The following PKN2 variants were observed in gnomAD, a reference collection of about 807,000 sequenced individuals.
The protein encoded by PKN2 is serine/threonine-protein kinase N2.
Under a neutral mutation model 119.1 loss-of-function variants are expected in PKN2, and 38 were observed. The ratio of observed to expected loss-of-function variants is 0.32; its 90% CI spans 0.25 to 0.42. The LOEUF is 0.42. Among genes scored for constraint, PKN2 ranks in the 10% least tolerant of loss-of-function variants. PKN2 has a pLI of 1.00. For missense variants in PKN2, 850 were observed against 1,165.1 expected (o/e 0.73, Z 3.94); for synonymous variants, 390 against 384.9 (o/e 1.01, Z -0.15).
At chr1:88,799,538 A>G (rs1408086616) in intron 8 of PKN2, among the ~76,000 whole-genome samples, 1 of 152,176 alleles carries the variant, frequency 6.6e-6, no homozygotes, top group African/African-American at 2.4e-5. Flanking sequence ...ACTTACAATG[A>G]GAGACACTGT....
At chr1:88,715,637 A>G (rs77762935) in intron 1 of PKN2, among the ~76,000 whole-genome samples, 10,201 of 151,680 alleles carry the variant, frequency 0.067, 696 homozygotes, top group African/African-American at 0.18. Flanking sequence ...GGAATTGGTG[A>G]TGATATCCCC....
intron 18 of PKN2, among the ~76,000 whole-genome samples, chr1:88,825,965 GCTGA>G (rs1672484017): frequency 6.6e-6 from 1 of 152,100 alleles, no homozygotes. Flanking sequence ...AACTCTATTT[GCTGA>G]CTAACATCTG....
chr1:88,734,596 C>A (rs1668266556), intron 1 of PKN2, among the ~76,000 whole-genome samples: 1 of 152,102 alleles, frequency 6.6e-6, no homozygotes, highest in Admixed American at 6.5e-5. Flanking sequence ...ATTACTATAG[C>A]TATGTAATGT....
intron 1 of PKN2, among the ~76,000 whole-genome samples, chr1:88,736,087 T>G (rs1404599198): frequency 6.6e-6 from 1 of 152,204 alleles, no homozygotes; most frequent in Non-Finnish European, 1.5e-5. Context: ...CAAGCTCAGA[T>G]TTTTGTATCT....
intron 2 of PKN2, among the ~76,000 whole-genome samples, chr1:88,756,535 A>C (rs1025830869): frequency 3.3e-5 from 5 of 152,152 alleles, no homozygotes; most frequent in African/African-American, 4.8e-5. Context: ...TTTTACAGAC[A>C]ACACATTTTC....
At chr1:88,824,662 G>A (rs748571407) in intron 18 of PKN2, among the ~76,000 whole-genome samples, 9 of 152,148 alleles carry the variant, frequency 5.9e-5, no homozygotes, top group Non-Finnish European at 1.2e-4. Flanking sequence ...TATTGATTAA[G>A]CACCAAAATC....
intron 8 of PKN2, among the ~76,000 whole-genome samples, chr1:88,802,949 A>G (rs1671383104): frequency 6.6e-6 from 1 of 152,200 alleles, no homozygotes; most frequent in African/African-American, 2.4e-5. Context: ...TAAATTACCA[A>G]TCCTGACATG....
At position 88,722,907 on chromosome 1, in the gene PKN2, G is replaced by A. The variant is rs145485184; in HGVS notation, c.49-18081G>A. Reference sequence around the variant, plus strand: ...AAAGCCTGTCTTATCATCAGTCAGGGAAGACAAATAAATAAAGGTGTGATG... The same window carrying A: ...AAAGCCTGTCTTATCATCAGTCAGGAAAGACAAATAAATAAAGGTGTGATG... On this transcript the variant is annotated intron_variant, in intron 1 of 21. Transcript: ENST00000370521. Among the ~76,000 whole-genome samples, 390 of 152,218 alleles carry A rather than the reference G, an allele frequency of 2.6e-3. 3 individuals are homozygous for A. Among genetic ancestry groups the A allele is most frequent in the Admixed American group, 3.7e-3 (57 of 15,292 alleles).
In PKN2 at chr1:88,788,734, C is replaced by T. The variant is rs570661221; in HGVS notation, c.1281+2521C>T. On this transcript the variant is annotated intron_variant, in intron 8 of 21. Transcript: ENST00000370521. The stretch of plus-strand genomic sequence containing the variant: ...TGCTGGGATTACACTCCTGAACCAC[C>T]GTGCCTGGCCTAATCCAGGATTCTT... Among the ~76,000 whole-genome samples the T allele has an allele frequency of 7.2e-5, 11 of 152,226 alleles. No individual in the cohort carries two copies. The South Asian group carries it at 1.9e-3, about 26-fold the overall frequency.
At chr1:88,726,408 T>C (rs1667899020) in intron 1 of PKN2, among the ~76,000 whole-genome samples, 1 of 152,208 alleles carries the variant, frequency 6.6e-6, no homozygotes, top group South Asian at 2.1e-4. Context: ...ACATAATTTT[T>C]CTGCATAAGT....
chr1:88,715,658 TTTA>T (rs1227836888), intron 1 of PKN2, among the ~76,000 whole-genome samples: 2 of 152,192 alleles, frequency 1.3e-5, no homozygotes, highest in Admixed American at 6.5e-5. Flanking sequence ...TTTATCATTT[TTTA>T]TTGTGTCTGT....
Position 88,836,162 on chromosome 1 carries a change from T to C in PKN2, c.*2714T>C, listed in dbSNP as rs1173200316. 6.6e-6 allele frequency: 1 copy of C among 152,270 alleles called. No homozygotes were observed. The highest frequency in any genetic ancestry group is 2.1e-4 in the South Asian group (1 of 4,830). The allele number at this position is 152,270 out of a possible 1,614,324, so 9.4% of individuals were successfully genotyped here. A position where few individuals can be genotyped will look rare whatever the true frequency, so the allele number is the denominator to read the frequency against. Reference sequence around the variant, plus strand: ...GTTTTAATTAAGATGCAAGCACCAGTATTGTATGTACTTTTCTCTTGTTTG... The same window carrying C: ...GTTTTAATTAAGATGCAAGCACCAGCATTGTATGTACTTTTCTCTTGTTTG... On this transcript the variant is annotated 3_prime_UTR_variant, in exon 22 of 22. Transcript: ENST00000370521.
chr1:88,778,122 T>G (rs923752106), intron 6 of PKN2, among the ~76,000 whole-genome samples: 9 of 152,218 alleles, frequency 5.9e-5, no homozygotes, highest in African/African-American at 2.2e-4. Context: ...ACCTTTTACA[T>G]GTATTGATAG....
At chr1:88,754,294 TA>T (rs2100769730) in intron 2 of PKN2, among the ~76,000 whole-genome samples, 1 of 152,316 alleles carries the variant, frequency 6.6e-6, no homozygotes. Context: ...AAAACTTAGC[TA>T]TTTTTCAGTA....
intron 8 of PKN2, among the ~76,000 whole-genome samples, chr1:88,798,854 G>A (rs1269855168): frequency 2.0e-5 from 3 of 152,100 alleles, no homozygotes; most frequent in Admixed American, 6.6e-5. Flanking sequence ...AGATAGCTGC[G>A]TTCAAAAAAC....
chr1:88,792,195 G>A (rs939819564), intron 8 of PKN2, among the ~76,000 whole-genome samples: 8 of 152,120 alleles, frequency 5.3e-5, no homozygotes, highest in Middle Eastern at 3.4e-3. Flanking sequence ...ACCTGAGGTC[G>A]GGAGTTCAAG....
intron 3 of PKN2, among the ~76,000 whole-genome samples, chr1:88,768,351 A>G (rs1669748276): frequency 6.6e-6 from 1 of 152,196 alleles, no homozygotes; most frequent in Admixed American, 6.5e-5. Flanking sequence ...TGGAGGATGT[A>G]GGGCAGAATG....
intron 1 of PKN2, among the ~76,000 whole-genome samples, chr1:88,728,878 T>G (rs1668007920): frequency 2.6e-5 from 4 of 151,612 alleles, no homozygotes; most frequent in Admixed American, 2.6e-4. Context: ...TCCAGTGATG[T>G]TATTAACATC....
At chr1:88,717,333 T>C (rs1024665738) in intron 1 of PKN2, among the ~76,000 whole-genome samples, 2 of 152,142 alleles carry the variant, frequency 1.3e-5, no homozygotes, top group Admixed American at 6.5e-5. Flanking sequence ...TGAATTTGAG[T>C]GTTGGCCTGC....
Sources: allele counts gnomAD v4.1 joint callset (sites outside exome capture counted in the v4.1 genomes callset), GRCh38; gene constraint gnomAD v4.1.1; transcripts MANE v1.5; gene names NCBI Gene and HGNC (gene_info 2026-07-23, HGNC 2026-07-21).